ASF1B: variants seen among roughly 807,000 people sequenced by gnomAD.
ASF1B encodes the protein histone chaperone ASF1B.
A neutral mutation model predicts 16.6 loss-of-function variants in ASF1B; 10 were observed. That is an observed-to-expected ratio of 0.60 (90% CI 0.37 to 1.02). ASF1B has a LOEUF of 1.02. ASF1B is among the 50% of genes least tolerant of loss of function. ASF1B has a pLI of 0.01. For missense variants in ASF1B, 240 were observed against 266.0 expected (o/e 0.90, Z 0.68); for synonymous variants, 101 against 106.2 (o/e 0.95, Z 0.30).
chr19:14,121,478 C>G (rs1426054649), intron 3 of ASF1B, 54 bp downstream of exon 3: 1 of 1,572,364 alleles, frequency 6.4e-7, no homozygotes, highest in Admixed American at 1.8e-5. Context: ...GCTGAACTCC[C>G]CCCAAGTATA....
intron 1 of ASF1B, among the ~76,000 whole-genome samples, chr19:14,130,773 CTG>C (rs1326651015): frequency 1.6e-5 from 2 of 125,836 alleles, no homozygotes; most frequent in Non-Finnish European, 1.6e-5. Flanking sequence ...CATACCTCCA[CTG>C]TGTGTTTGTG....
At position 14,132,825 on chromosome 19, in the gene ASF1B, A is replaced by C. The variant is rs114611264; in HGVS notation, c.109+3523T>G. On this transcript the variant is annotated intron_variant, in intron 1 of 3. Coordinates refer to ENST00000263382, the MANE Select transcript of ASF1B (RefSeq NM_018154.3). ...ATAGTGAGATTCCATTTCTAATAAT[A>C]ATCATCATCATCATCATAATCATAC... 8.3e-3 allele frequency among the ~76,000 whole-genome samples: 1,258 copies of C among 151,888 alleles called. 16 individuals carry two copies. The highest frequency in any genetic ancestry group is 0.026 in the African/African-American group (1,091 of 41,394).
intron 1 of ASF1B, among the ~76,000 whole-genome samples, chr19:14,132,618 G>A (rs1042308497): frequency 3.3e-5 from 5 of 152,150 alleles, no homozygotes; most frequent in Non-Finnish European, 7.3e-5. Flanking sequence ...TCAGGTTTGA[G>A]ACCAGCCTGG....
At chr19:14,132,988 C>T (rs1425439600) in intron 1 of ASF1B, among the ~76,000 whole-genome samples, 2 of 151,768 alleles carry the variant, frequency 1.3e-5, no homozygotes, top group African/African-American at 4.8e-5. Flanking sequence ...GGCATGGTTT[C>T]GGGCGCCTGT....
At chr19:14,123,386 T>C (rs1270607111) in intron 2 of ASF1B, among the ~76,000 whole-genome samples, 2 of 146,458 alleles carry the variant, frequency 1.4e-5, no homozygotes, top group Non-Finnish European at 3.0e-5. Context: ...TTCTTTTTTT[T>C]TTTTTTTTTT....
At chr19:14,128,529 C>A (rs989869861) in intron 1 of ASF1B, among the ~76,000 whole-genome samples, 2 of 152,200 alleles carry the variant, frequency 1.3e-5, no homozygotes, top group Admixed American at 1.3e-4. Flanking sequence ...GGCTGCAGTG[C>A]AGTGGCATAA....
intron 2 of ASF1B, among the ~76,000 whole-genome samples, chr19:14,125,029 C>T (rs950721589): frequency 3.3e-5 from 5 of 152,104 alleles, no homozygotes; most frequent in African/African-American, 4.8e-5. Flanking sequence ...TGCACTGGTG[C>T]GATCTCAGCT....
At chr19:14,123,191 G>A (rs918546244) in intron 2 of ASF1B, among the ~76,000 whole-genome samples, 2 of 152,146 alleles carry the variant, frequency 1.3e-5, no homozygotes, top group African/African-American at 4.8e-5. Flanking sequence ...CAGGAGGCCA[G>A]TCCTGACTGT....
At chr19:14,129,090 T>TA (rs1204961181) in intron 1 of ASF1B, among the ~76,000 whole-genome samples, 1 of 152,008 alleles carries the variant, frequency 6.6e-6, no homozygotes, top group Non-Finnish European at 1.5e-5. Flanking sequence ...TCGACTCTAT[T>TA]AAAAATCAAC....
rs1415012455 is a variant in ASF1B at position 14,120,404 on chromosome 19, G to C, written c.*55C>G. ...CCTCTAGATGGGCCCTGCAGGACTC[G>C]CTGGGAGGCCTGGTTGCCCCTCCCG... On this transcript the variant is annotated 3_prime_UTR_variant, in exon 4 of 4. Coordinates refer to ENST00000263382, the MANE Select transcript of ASF1B (RefSeq NM_018154.3). 6.4e-7 allele frequency: 1 copy of C among 1,571,176 alleles called. No homozygotes were observed. Among genetic ancestry groups the C allele is most frequent in the South Asian group, 1.1e-5 (1 of 89,292 alleles).
intron 2 of ASF1B, among the ~76,000 whole-genome samples, chr19:14,122,541 G>A (rs113913928): frequency 0.02 from 2,990 of 151,426 alleles, 94 homozygotes; most frequent in African/African-American, 0.069. Flanking sequence ...ATTATTTTTT[G>A]TAGAGACAGG....
At chr19:14,130,683 T>C (rs1967388621) in intron 1 of ASF1B, among the ~76,000 whole-genome samples, 1 of 151,634 alleles carries the variant, frequency 6.6e-6, no homozygotes, top group Admixed American at 6.6e-5. Context: ...TACCTAACCT[T>C]CTGAGCAATG....
intron 1 of ASF1B, among the ~76,000 whole-genome samples, chr19:14,134,944 C>T (rs1448322710): frequency 6.6e-6 from 1 of 151,454 alleles, no homozygotes. Context: ...AAGAAGAAGA[C>T]GGGGCACGGT....
At position 14,130,225 on chromosome 19, in the gene ASF1B, AT is replaced by A. The variant is rs919721033; in HGVS notation, c.110-3989del. On this transcript the variant is annotated intron_variant, in intron 1 of 3. Coordinates refer to ENST00000263382, the MANE Select transcript of ASF1B (RefSeq NM_018154.3). ...AGGCACCCCCCACCACGCCCGGCTA[AT>A]TTTTTTTTCTATTTTTAGTAGAGAC... 3.3e-4 allele frequency among the ~76,000 whole-genome samples: 49 copies of A among 150,272 alleles called. 1 individual carries two copies. The highest frequency in any genetic ancestry group is 1.1e-3 in the African/African-American group (47 of 40,896).
intron 2 of ASF1B, among the ~76,000 whole-genome samples, chr19:14,122,598 G>A (rs184624894): frequency 1.3e-5 from 2 of 152,056 alleles, no homozygotes; most frequent in Non-Finnish European, 2.9e-5. Context: ...GGGCTCAAGC[G>A]ATCCTCTCAC....
intron 1 of ASF1B, among the ~76,000 whole-genome samples, chr19:14,135,520 T>A (rs1377779040): frequency 6.6e-6 from 1 of 152,072 alleles, no homozygotes; most frequent in Non-Finnish European, 1.5e-5. Flanking sequence ...GGTATGTGCA[T>A]TGGGGCAGAA....
chr19:14,136,505 G>C lies in ASF1B; in HGVS notation c.-49C>G. The C allele has an allele frequency of 6.4e-7, 1 of 1,566,856 alleles. No individual in the cohort carries two copies. Among genetic ancestry groups the C allele is most frequent in the Non-Finnish European group, 8.7e-7 (1 of 1,146,216 alleles). On this transcript the variant is annotated 5_prime_UTR_variant, in exon 1 of 4. Transcript: ENST00000263382. ...CAGGGGCAGGGGCTGTGGCTGTGGC[G>C]GAGGCCGCGCCTGGGTCCGGTGGGG... is the stretch of plus-strand genomic sequence containing the variant.
chr19:14,127,328 GAC>G (rs1207946445), intron 1 of ASF1B, among the ~76,000 whole-genome samples: 5 of 152,224 alleles, frequency 3.3e-5, no homozygotes, highest in Admixed American at 1.3e-4. Flanking sequence ...AGAGCCACGT[GAC>G]ACAGACGTGC....
chr19:14,135,958 C>T (rs1413472884), intron 1 of ASF1B, among the ~76,000 whole-genome samples: 2 of 151,070 alleles, frequency 1.3e-5, no homozygotes, highest in African/African-American at 2.4e-5. Context: ...CCCATGAAAA[C>T]GGGTACCTAG....
Sources: allele counts gnomAD v4.1 joint callset (sites outside exome capture counted in the v4.1 genomes callset), GRCh38; gene constraint gnomAD v4.1.1; transcripts MANE v1.5; gene names NCBI Gene and HGNC (gene_info 2026-07-23, HGNC 2026-07-21).